Variants in AGK observed in about 807,000 individuals in gnomAD.
The protein encoded by AGK is acylglycerol kinase.
In AGK, 52 loss-of-function variants were observed where a neutral mutation model predicts 66.4. The observed-to-expected ratio is 0.78, with a 90% CI of 0.63 to 0.99. The LOEUF (loss-of-function observed/expected upper bound fraction) is 0.99. AGK is among the 50% of genes least tolerant of loss of function. The pLI, the probability that AGK is intolerant of heterozygous loss-of-function variation, is 0.00. For missense variants in AGK, 451 were observed against 506.6 expected (o/e 0.89, Z 1.05); for synonymous variants, 182 against 181.1 (o/e 1.00, Z -0.04).
chr7:141,600,957 C>T (rs551271747), intron 4 of AGK, among the ~76,000 whole-genome samples: 35 of 152,244 alleles, frequency 2.3e-4, no homozygotes, highest in Admixed American at 2.2e-3. Flanking sequence ...AACTATAAGC[C>T]TCCCAAATGG....
chr7:141,552,301 G>A (rs548378786), intron 1 of AGK, among the ~76,000 whole-genome samples: 1 of 152,188 alleles, frequency 6.6e-6, no homozygotes, highest in Non-Finnish European at 1.5e-5. Flanking sequence ...GCCCATTAAA[G>A]GTTTTTCATT....
intron 7 of AGK, 24 bp downstream of exon 7, chr7:141,614,202 T>C: frequency 6.8e-7 from 1 of 1,473,140 alleles, no homozygotes; most frequent in Non-Finnish European, 9.2e-7. Context: ...AGTAATTGCA[T>C]TTTAACTTTT....
At chr7:141,652,703 C>G in intron 15 of AGK, 84 bp from the exon 16 acceptor site, 1 of 1,431,420 alleles carries the variant, frequency 7.0e-7, no homozygotes, top group East Asian at 2.3e-5. Flanking sequence ...CCATAATGAA[C>G]TTCTTCTGGT....
intron 9 of AGK, among the ~76,000 whole-genome samples, chr7:141,629,079 C>A (rs1412593617): frequency 6.6e-6 from 1 of 152,020 alleles, no homozygotes; most frequent in Non-Finnish European, 1.5e-5. Flanking sequence ...CTTTTTAGAC[C>A]CTGGCTTTGA....
intron 5 of AGK, among the ~76,000 whole-genome samples, chr7:141,603,879 G>C (rs1796393036): frequency 6.6e-6 from 1 of 152,088 alleles, no homozygotes; most frequent in African/African-American, 2.4e-5. Flanking sequence ...ACTTTTATGT[G>C]TATTTTTAAA....
At chr7:141,580,257 G>A (rs893117579) in intron 2 of AGK, among the ~76,000 whole-genome samples, 1 of 151,932 alleles carries the variant, frequency 6.6e-6, no homozygotes, top group Non-Finnish European at 1.5e-5. Context: ...TTGCTGAGAG[G>A]TAGTGGAGTG....
intron 2 of AGK, among the ~76,000 whole-genome samples, chr7:141,566,658 A>G (rs532073093): frequency 6.6e-6 from 1 of 152,342 alleles, no homozygotes; most frequent in African/African-American, 2.4e-5. Flanking sequence ...AAACATGGGC[A>G]GTTACCCCAG....
intron 9 of AGK, among the ~76,000 whole-genome samples, chr7:141,628,404 C>T (rs1220000333): frequency 4.6e-5 from 7 of 152,002 alleles, no homozygotes; most frequent in Non-Finnish European, 1.0e-4. Context: ...CTCTTTTTTC[C>T]TTATTTCTGA....
chr7:141,585,172 C>CATTTGGA (rs1795970989), intron 2 of AGK, among the ~76,000 whole-genome samples: 1 of 152,296 alleles, frequency 6.6e-6, no homozygotes, highest in East Asian at 1.9e-4. Context: ...ATTCTGTCGG[C>CATTTGGA]CGAAAAGATC....
At position 141,604,051 on chromosome 7, in the gene AGK, T is replaced by C. The variant is rs149012299; in HGVS notation, c.297+2771T>C. Among the ~76,000 whole-genome samples the C allele has an allele frequency of 6.2e-3, 947 of 152,194 alleles. 13 individuals are homozygous for C. The highest frequency in any genetic ancestry group is 0.022 in the African/African-American group (898 of 41,524). On this transcript the variant is annotated intron_variant, in intron 5 of 15. Transcript: ENST00000649286. ...TTTTCCAGTTTAAGATACTTATCAA[T>C]TATATGCAAGTACTAATATGTACAT...
intron 14 of AGK, chr7:141,650,561 G>T: frequency 2.0e-6 from 2 of 985,412 alleles, no homozygotes; most frequent in Non-Finnish European, 2.4e-6. Context: ...CCGTTTTGTA[G>T]AGTTACTGTT....
Position 141,641,811 on chromosome 7 carries a change from C to G in AGK, c.878C>G (p.Ala293Gly). Reference protein sequence around the residue: ...LASYWAQPQDALSQEVSPEVW... With the variant: ...LASYWAQPQDGLSQEVSPEVW... ...ACCTGTATCTAATGGATTCCCACAGCCCTTTCCCAAGAGGTGAGCCCGGAG... is the reference window on the plus strand; with the variant it reads ...ACCTGTATCTAATGGATTCCCACAGGCCTTTCCCAAGAGGTGAGCCCGGAG... The change falls in exon 13 of 16, where the codon GCC becomes GGC. Residue 293 changes from alanine to glycine, a missense_variant and splice_region_variant. Transcript: ENST00000649286. 6.4e-7 allele frequency: 1 copy of G among 1,572,142 alleles called. No homozygotes were observed. Among genetic ancestry groups the G allele is most frequent in the Non-Finnish European group, 8.6e-7 (1 of 1,157,442 alleles).
chr7:141,647,584 G>A (rs899860283), intron 13 of AGK, among the ~76,000 whole-genome samples: 3 of 152,170 alleles, frequency 2.0e-5, no homozygotes, highest in Admixed American at 1.3e-4. Flanking sequence ...GAAGTTGCTC[G>A]AGATGAAAAT....
intron 2 of AGK, among the ~76,000 whole-genome samples, chr7:141,573,753 T>C (rs1400738028): frequency 1.3e-5 from 2 of 152,212 alleles, no homozygotes; most frequent in Non-Finnish European, 2.9e-5. Flanking sequence ...CGTGGGGACA[T>C]AGGGACTCTC....
chr7:141,648,290 C>G (rs903206329), intron 13 of AGK, among the ~76,000 whole-genome samples: 6 of 152,216 alleles, frequency 3.9e-5, no homozygotes, highest in African/African-American at 1.4e-4. Context: ...CCTCCAGTCT[C>G]TACAGTAGAA....
At position 141,642,384 on chromosome 7, in the gene AGK, C is replaced by T. The variant is rs184055356; in HGVS notation, c.975+476C>T. On this transcript the variant is annotated intron_variant, in intron 13 of 15. Coordinates refer to ENST00000649286, the MANE Select transcript of AGK (RefSeq NM_018238.4). ...ATCTATAGGTATGCACTATCCCATACGGTAGCTATTAGCCACATGTGGCTA... is the reference window on the plus strand; with the variant it reads ...ATCTATAGGTATGCACTATCCCATATGGTAGCTATTAGCCACATGTGGCTA... 5.3e-4 allele frequency among the ~76,000 whole-genome samples: 80 copies of T among 152,248 alleles called. No individual in the cohort carries two copies. The East Asian group carries it at 0.011, about 20-fold the overall frequency.
rs150013311 is a variant in AGK, at chr7:141,574,637, A to T, written c.102-18509A>T. Among the ~76,000 whole-genome samples the T allele has an allele frequency of 7.2e-3, 1,104 of 152,332 alleles. 12 individuals are homozygous for T. Among genetic ancestry groups the T allele is most frequent in the African/African-American group, 0.025 (1,050 of 41,574 alleles). On this transcript the variant is annotated intron_variant, in intron 2 of 15. Coordinates refer to ENST00000649286, the MANE Select transcript of AGK (RefSeq NM_018238.4). ...ACAGACCAAAATGATTAGCTTAGTT[A>T]TGTGAGAGAAGCCTCCAGGCGATAC...
At chr7:141,561,586 T>G (rs1394120543) in intron 2 of AGK, among the ~76,000 whole-genome samples, 5 of 152,160 alleles carry the variant, frequency 3.3e-5, no homozygotes, top group Admixed American at 6.5e-5. Context: ...TGTCTATTCA[T>G]GTCCTTAGGC....
chr7:141,555,657 A>G lies in AGK; in HGVS notation c.101+90A>G. ...GTTAAAATCTTGCTCAGCTGTGCTT[A>G]TCCCTATAAAACATGTGGTGTAAAA... On this transcript the variant is annotated intron_variant, in intron 2 of 15. Transcript: ENST00000649286. The surrounding 1 kb of genome is among the most constrained non-coding windows in gnomAD (Gnocchi z 4.2). The G allele has an allele frequency of 4.4e-6, 4 of 911,226 alleles. No individual in the cohort carries two copies. Among genetic ancestry groups the G allele is most frequent in the Middle Eastern group, 2.2e-4 (1 of 4,534 alleles). 56.4% of individuals were successfully genotyped at this position (911,226 alleles called of 1,614,324 possible).
Sources: gnomAD v4.1 joint callset for allele counts (sites outside exome capture counted in the v4.1 genomes callset) on GRCh38, gnomAD v4.1.1 for gene constraint, Gnocchi (gnomAD v3.1) non-coding constraint, MANE v1.5 for transcripts, NCBI Gene and HGNC (gene_info 2026-07-23, HGNC 2026-07-21) for gene names.